TOX: variants seen among roughly 807,000 people sequenced by gnomAD.
TOX encodes the protein thymocyte selection-associated high mobility group box protein TOX.
A neutral mutation model predicts 53.7 loss-of-function variants in TOX; 11 were observed. The observed-to-expected ratio is 0.20, with a 90% CI of 0.13 to 0.34. The LOEUF is 0.34. Among genes scored for constraint, TOX ranks in the 10% least tolerant of loss-of-function variants. The pLI, the probability that TOX is intolerant of heterozygous loss-of-function variation, is 1.00. For missense variants in TOX, 570 were observed against 664.6 expected, an observed-to-expected ratio of 0.86 and a Z score of 1.56; for synonymous variants, 225 against 245.3, an observed-to-expected ratio of 0.92 and a Z score of 0.77.
At position 58,815,378 on chromosome 8, in the gene TOX, A is replaced by G. The variant is rs1287757086; in HGVS notation, c.1352T>C (p.Met451Thr). 1.9e-6 allele frequency: 3 copies of G among 1,611,790 alleles called. No homozygotes were observed. Among genetic ancestry groups the G allele is most frequent in the Non-Finnish European group, 2.5e-6 (3 of 1,179,032 alleles). The change falls in exon 7 of 9, where the codon ATG becomes ACG. Residue 451 changes from methionine (M) to threonine (T), a missense_variant. Coordinates refer to ENST00000361421, the MANE Select transcript of TOX (RefSeq NM_014729.3). ...MQQPLGNQLPMQVQSALHSPT... is the reference protein window; with the variant it reads ...MQQPLGNQLPTQVQSALHSPT... ...TGAGTGTAAGGCAGACTGGACCTGC[A>G]TGGGGAGCTGGTTCCCAAGGGGCTG...
At chr8:59,104,015 T>A (rs1055744397) in intron 1 of TOX, among the ~76,000 whole-genome samples, 3 of 152,182 alleles carry the variant, frequency 2.0e-5, no homozygotes, top group African/African-American at 7.2e-5. Flanking sequence ...AACTCCAACT[T>A]TTGGCTAAAG....
chr8:58,844,423 G>T (rs1585856412), intron 4 of TOX, among the ~76,000 whole-genome samples: 2 of 152,142 alleles, frequency 1.3e-5, no homozygotes, highest in Admixed American at 6.5e-5. Context: ...AGGGTGCTAA[G>T]ACTGGAGAGT....
At chr8:58,856,026 T>C (rs1180449580) in intron 3 of TOX, among the ~76,000 whole-genome samples, 1 of 152,204 alleles carries the variant, frequency 6.6e-6, no homozygotes, top group Non-Finnish European at 1.5e-5. Flanking sequence ...AATAGCTGCT[T>C]TGCAAAAGCC....
chr8:58,847,239 A>G (rs1810732417), intron 4 of TOX, among the ~76,000 whole-genome samples: 1 of 152,158 alleles, frequency 6.6e-6, no homozygotes, highest in South Asian at 2.1e-4. Flanking sequence ...TCTGACTTCA[A>G]AATACTTCAT....
At chr8:59,057,348 T>G (rs1227619520) in intron 1 of TOX, among the ~76,000 whole-genome samples, 2 of 152,182 alleles carry the variant, frequency 1.3e-5, no homozygotes, top group African/African-American at 4.8e-5. Flanking sequence ...TTACAAGTAT[T>G]ATTTGCATAC....
At chr8:58,950,322 C>G (rs1812601083) in intron 2 of TOX, among the ~76,000 whole-genome samples, 1 of 152,100 alleles carries the variant, frequency 6.6e-6, no homozygotes, top group South Asian at 2.1e-4. Flanking sequence ...TAGAAATCAA[C>G]AAATGCTGGG....
intron 3 of TOX, among the ~76,000 whole-genome samples, chr8:58,855,648 G>A (rs1313457382): frequency 2.0e-5 from 3 of 152,042 alleles, no homozygotes; most frequent in African/African-American, 7.2e-5. Flanking sequence ...CCAAAGAGTG[G>A]TACAAAATTA....
intron 3 of TOX, among the ~76,000 whole-genome samples, chr8:58,852,819 T>G (rs957399090): frequency 6.6e-6 from 1 of 152,174 alleles, no homozygotes; most frequent in African/African-American, 2.4e-5. Context: ...TGGTTAAAGT[T>G]ACACGTTGGA....
chr8:59,101,290 A>G (rs998228237), intron 1 of TOX, among the ~76,000 whole-genome samples: 8 of 152,126 alleles, frequency 5.3e-5, no homozygotes, highest in Non-Finnish European at 1.0e-4. Context: ...TTCTATCCTC[A>G]CCATTTTAGC....
At chr8:59,008,850 C>T (rs1212820826) in intron 1 of TOX, among the ~76,000 whole-genome samples, 3 of 152,174 alleles carry the variant, frequency 2.0e-5, no homozygotes, top group African/African-American at 7.2e-5. Flanking sequence ...CAGAATTTGG[C>T]ACACTACAAA....
chr8:58,997,966 G>A (rs540617072), intron 1 of TOX, among the ~76,000 whole-genome samples: 1 of 152,032 alleles, frequency 6.6e-6, no homozygotes, highest in African/African-American at 2.4e-5. Flanking sequence ...CTAATTTTTT[G>A]TATTTTTAGT....
intron 1 of TOX, among the ~76,000 whole-genome samples, chr8:59,081,442 T>C (rs1014326341): frequency 3.9e-5 from 6 of 152,204 alleles, no homozygotes; most frequent in African/African-American, 1.4e-4. Context: ...GTATGGCTTC[T>C]ACACAAGATT....
intron 3 of TOX, among the ~76,000 whole-genome samples, chr8:58,856,010 T>G (rs16924095): frequency 0.056 from 8,504 of 152,272 alleles, 258 homozygotes; most frequent in East Asian, 0.12. Flanking sequence ...GAGGGAGCCA[T>G]GTAGGAATAG....
Position 58,939,433 on chromosome 8 carries a change from G to C in TOX, c.280C>G (p.His94Asp), listed in dbSNP as rs1192714618. The C allele has an allele frequency of 1.9e-6, 3 of 1,614,038 alleles. No homozygotes were observed. Among genetic ancestry groups the C allele is most frequent in the Admixed American group, 1.7e-5 (1 of 60,004 alleles). The change falls in exon 3 of 9, where the codon CAT (histidine) becomes GAT (aspartate). Residue 94 changes from histidine to aspartate, a missense_variant. This residue lies in a region of TOX where 282 missense variants were observed against 315.0 expected (regional missense o/e 0.90). Transcript: ENST00000361421. ...TGGTTCATGGGGTGACACAGAGAAT[G>C]GTAACCAGACTCAACTTCATTCAGG... ...VHLNEVESGY[H>D]SLCHPMNHNG... is the part of the protein sequence containing the mutation.
chr8:59,075,212 C>T (rs747323189), intron 1 of TOX, among the ~76,000 whole-genome samples: 9 of 152,110 alleles, frequency 5.9e-5, no homozygotes, highest in African/African-American at 9.7e-5. Flanking sequence ...TTGGAAATGT[C>T]GGCCTGAAAA....
In TOX at chr8:59,113,296, G is replaced by C. The variant is rs1053907094; in HGVS notation, c.102+5590C>G. Among the ~76,000 whole-genome samples, 3 of 152,104 alleles carry C rather than the reference G, an allele frequency of 2.0e-5. No homozygotes were observed. In the East Asian group the frequency reaches 5.8e-4, roughly 29 times the overall value. ...AAATACACTGCATAAAATGGTAGGG[G>C]GTGTGGAAGGGACACTATGATAGCT... On this transcript the variant is annotated intron_variant, in intron 1 of 8. Transcript: ENST00000361421.
chr8:58,957,053 G>T (rs1812721488), intron 2 of TOX, among the ~76,000 whole-genome samples: 1 of 152,200 alleles, frequency 6.6e-6, no homozygotes, highest in Admixed American at 6.5e-5. Flanking sequence ...GAATGGCAAA[G>T]AAGTGGGTTT....
intron 1 of TOX, among the ~76,000 whole-genome samples, chr8:59,047,244 T>G (rs1301981535): frequency 8.2e-6 from 1 of 122,696 alleles, no homozygotes; most frequent in African/African-American, 3.1e-5. Context: ...TGAGACGGAG[T>G]CTCGCTCTGT....
intron 1 of TOX, among the ~76,000 whole-genome samples, chr8:58,997,293 T>TAGC (rs10644879): frequency 0.62 from 94,670 of 151,808 alleles, 30,346 homozygotes; most frequent in South Asian, 0.75. Context: ...GTGAGCAATT[T>TAGC]AGAAATAAGC....
Sources: allele counts gnomAD v4.1 joint callset (sites outside exome capture counted in the v4.1 genomes callset), GRCh38; gene constraint gnomAD v4.1.1; regional missense constraint gnomAD v4.1.1; transcripts MANE v1.5; gene names NCBI Gene and HGNC (gene_info 2026-07-23, HGNC 2026-07-21).